The following NCOA2 variants were observed in gnomAD, a reference collection of about 807,000 sequenced individuals.
NCOA2 encodes nuclear receptor coactivator 2.
A neutral mutation model predicts 145.1 loss-of-function variants in NCOA2; 21 were observed. The ratio of observed to expected loss-of-function variants is 0.14; its 90% CI spans 0.10 to 0.21. The LOEUF is 0.21. NCOA2 is among the 10% of genes least tolerant of loss of function. The probability of loss-of-function intolerance (pLI) is 1.00; values close to 1 mark genes in which losing one functional copy is unlikely to be tolerated. For missense variants in NCOA2, 1,472 were observed against 1,837.6 expected, an observed-to-expected ratio of 0.80 and a Z score of 3.64; for synonymous variants, 619 against 637.5, an observed-to-expected ratio of 0.97 and a Z score of 0.44.
At chr8:70,376,307 ACTTT>A (rs1811661434) in intron 1 of NCOA2, among the ~76,000 whole-genome samples, 1 of 152,168 alleles carries the variant, frequency 6.6e-6, no homozygotes, top group Admixed American at 6.5e-5. Flanking sequence ...ATCATATCTA[ACTTT>A]CTTGAGTGCA....
chr8:70,394,010 AATTG>A (rs1311596362), intron 1 of NCOA2, among the ~76,000 whole-genome samples: 19 of 152,208 alleles, frequency 1.2e-4, no homozygotes, highest in African/African-American at 4.6e-4. Context: ...TAGGATCGTT[AATTG>A]ATTGTACAAC....
chr8:70,228,629 T>C (rs557525488), intron 2 of NCOA2, among the ~76,000 whole-genome samples: 20 of 152,342 alleles, frequency 1.3e-4, no homozygotes, highest in African/African-American at 4.8e-4. Context: ...TTCTTTTAAA[T>C]AGTCCTAAGA....
intron 1 of NCOA2, among the ~76,000 whole-genome samples, chr8:70,318,833 C>T (rs1400974491): frequency 6.6e-6 from 1 of 152,136 alleles, no homozygotes; most frequent in Non-Finnish European, 1.5e-5. Context: ...TACAGCCACT[C>T]CCCAGGCAGA....
At chr8:70,319,650 C>T (rs1805890477) in intron 1 of NCOA2, among the ~76,000 whole-genome samples, 3 of 152,128 alleles carry the variant, frequency 2.0e-5, no homozygotes, top group African/African-American at 7.2e-5. Flanking sequence ...TCTTTTACTT[C>T]AGGTGATCTG....
At chr8:70,409,271 A>C in the NCOA2 span, among the ~76,000 whole-genome samples, 2 of 152,344 alleles carry the variant, frequency 1.3e-5, no homozygotes, top group South Asian at 4.1e-4. Context: ...AGGAAGCATG[A>C]GTTGAATGAC....
intron 4 of NCOA2, among the ~76,000 whole-genome samples, chr8:70,196,739 T>C (rs1211355356): frequency 6.6e-6 from 1 of 152,226 alleles, no homozygotes; most frequent in Non-Finnish European, 1.5e-5. Flanking sequence ...ATGTGTTGCT[T>C]TTGGAATTTC....
chr8:70,185,613 C>T (rs978077230), intron 4 of NCOA2, among the ~76,000 whole-genome samples: 1 of 152,042 alleles, frequency 6.6e-6, no homozygotes, highest in East Asian at 1.9e-4. Flanking sequence ...TCATGGGGCA[C>T]GTGGTGGGGT....
intron 1 of NCOA2, among the ~76,000 whole-genome samples, chr8:70,349,127 T>C (rs193274581): frequency 6.6e-6 from 1 of 152,182 alleles, no homozygotes; most frequent in East Asian, 1.9e-4. Flanking sequence ...TGGAGCCTGT[T>C]ACCTGTGAGT....
At chr8:70,148,654 T>C (rs1010468758) in intron 11 of NCOA2, among the ~76,000 whole-genome samples, 171 bp from the exon 12 acceptor site, 1 of 152,208 alleles carries the variant, frequency 6.6e-6, no homozygotes, top group African/African-American at 2.4e-5. Flanking sequence ...AAAAATTAGG[T>C]TAACAAAGGA....
intron 22 of NCOA2, among the ~76,000 whole-genome samples, chr8:70,115,768 G>C (rs1454638589): frequency 6.6e-6 from 1 of 152,164 alleles, no homozygotes; most frequent in Non-Finnish European, 1.5e-5. Context: ...CTTCTGGTTA[G>C]GTCAAATAAC....
chr8:70,162,810 T>G lies in NCOA2; in HGVS notation c.877A>C (p.Lys293Gln). The G allele has an allele frequency of 6.2e-7, 1 of 1,613,990 alleles. No individual in the cohort carries two copies. Among genetic ancestry groups the G allele is most frequent in the Non-Finnish European group, 8.5e-7 (1 of 1,179,864 alleles). The change falls in exon 9 of 23, where the codon AAA (lysine) becomes CAA (glutamine). Residue 293 changes from lysine to glutamine, a missense_variant. Around this residue, in one of 4 missense-constraint regions of NCOA2, gnomAD observed 284 missense variants for 467.8 expected, o/e 0.61. Coordinates refer to ENST00000452400, the MANE Select transcript of NCOA2 (RefSeq NM_006540.4). ...CTTACCAGGTCCTCCCAGCCTGGTT[T>G]CATGGCTGCTCTCATGGTGCTGGTA... is the stretch of plus-strand genomic sequence containing the variant. ...LDTSTMRAAM[K>Q]PGWEDLVRRC...
At position 70,403,175 on chromosome 8, in the gene NCOA2, G is replaced by A. The variant is rs1322110165; in HGVS notation, c.-77+525C>T. 2.0e-5 allele frequency among the ~76,000 whole-genome samples: 3 copies of A among 151,236 alleles called. 1 individual carries two copies. The highest frequency in any genetic ancestry group is 7.3e-5 in the African/African-American group (3 of 41,344). ...GCAGCCGCTCCGCGCTTCCATTAAA[G>A]AATGCACCTTCCCAGGATTCACCTT... On this transcript the variant is annotated intron_variant, in intron 1 of 22. Transcript: ENST00000452400.
chr8:70,232,992 C>G, intron 2 of NCOA2, among the ~76,000 whole-genome samples: 1 of 151,986 alleles, frequency 6.6e-6, no homozygotes, highest in East Asian at 1.9e-4. Flanking sequence ...TTTGGGAGGC[C>G]AAGGCGGGCA....
At chr8:70,297,341 TC>T (rs142432827) in intron 1 of NCOA2, among the ~76,000 whole-genome samples, 4,016 of 152,172 alleles carry the variant, frequency 0.026, 168 homozygotes, top group African/African-American at 0.092. Flanking sequence ...TCTTTTATTT[TC>T]CCCCCTTCAG....
chr8:70,372,683 G>A (rs1811328202), intron 1 of NCOA2, among the ~76,000 whole-genome samples: 1 of 152,120 alleles, frequency 6.6e-6, no homozygotes. Flanking sequence ...AGTCTGGTAT[G>A]TTTTAACACA....
chr8:70,394,085 T>C (rs1813445032), intron 1 of NCOA2, among the ~76,000 whole-genome samples: 1 of 152,260 alleles, frequency 6.6e-6, no homozygotes, highest in African/African-American at 2.4e-5. Context: ...GGTTTCCCAT[T>C]TCCTTCACTA....
the NCOA2 span, among the ~76,000 whole-genome samples, chr8:70,435,828 A>C: frequency 6.6e-6 from 1 of 151,844 alleles, no homozygotes; most frequent in African/African-American, 2.4e-5. Context: ...TGCTGCTTAT[A>C]ATTTAGAAAA....
chr8:70,160,179 T>G (rs1178266738), intron 9 of NCOA2, among the ~76,000 whole-genome samples: 1 of 152,190 alleles, frequency 6.6e-6, no homozygotes, highest in East Asian at 1.9e-4. Flanking sequence ...CCCCCAGTCC[T>G]GTTTCTCACT....
At chr8:70,148,582 G>A in intron 11 of NCOA2, 99 bp from the exon 12 acceptor site, 1 of 1,044,026 alleles carries the variant, frequency 9.6e-7, no homozygotes, top group East Asian at 2.6e-5. Context: ...AGGCACCACA[G>A]CCAAATAAAA....
Sources: gnomAD v4.1 joint callset for allele counts (sites outside exome capture counted in the v4.1 genomes callset) on GRCh38, gnomAD v4.1.1 for gene constraint, gnomAD v4.1.1 regional missense constraint, MANE v1.5 for transcripts, NCBI Gene and HGNC (gene_info 2026-07-23, HGNC 2026-07-21) for gene names.